AOPEP: variants seen among roughly 807,000 people sequenced by gnomAD.
AOPEP encodes aminopeptidase O.
In AOPEP, 77 loss-of-function variants were observed where a neutral mutation model predicts 98.1. The observed-to-expected ratio is 0.78, with a 90% CI of 0.65 to 0.95. AOPEP has a LOEUF of 0.95. Among genes scored for constraint, AOPEP ranks in the 40% least tolerant of loss-of-function variants. The pLI, the probability that AOPEP is intolerant of heterozygous loss-of-function variation, is 0.00. For missense variants in AOPEP, 1,024 were observed against 1,024.7 expected (o/e 1.00, Z 0.01); for synonymous variants, 346 against 365.3 (o/e 0.95, Z 0.60).
chr9:94,891,912 C>T (rs999780849), intron 5 of AOPEP, among the ~76,000 whole-genome samples: 1 of 152,200 alleles, frequency 6.6e-6, no homozygotes, highest in Non-Finnish European at 1.5e-5. Context: ...GCAACAATTT[C>T]TCTTAATCCT....
chr9:94,886,517 A>C (rs1312010181), intron 5 of AOPEP, among the ~76,000 whole-genome samples: 1 of 152,240 alleles, frequency 6.6e-6, no homozygotes, highest in African/African-American at 2.4e-5. Flanking sequence ...AAAATTCAGA[A>C]TATAAATGGC....
chr9:94,816,195 T>C (rs1481305740), intron 5 of AOPEP, among the ~76,000 whole-genome samples: 6 of 152,174 alleles, frequency 3.9e-5, no homozygotes, highest in Non-Finnish European at 8.8e-5. Flanking sequence ...AGCCTGGCCT[T>C]GTAGATAGTT....
intron 16 of AOPEP, chr9:95,086,131 AG>A: frequency 7.3e-7 from 1 of 1,360,754 alleles, no homozygotes; most frequent in Non-Finnish European, 9.8e-7. Flanking sequence ...TAAGTGCCCG[AG>A]GCTCAGGAGA....
intron 5 of AOPEP, among the ~76,000 whole-genome samples, chr9:94,888,651 A>G (rs143130248): frequency 6.6e-6 from 1 of 152,198 alleles, no homozygotes; most frequent in East Asian, 1.9e-4. Context: ...AGTCAAAGAA[A>G]GTTTTTTGTA....
chr9:95,140,585 G>A, the AOPEP span, among the ~76,000 whole-genome samples: 5 of 152,156 alleles, frequency 3.3e-5, no homozygotes, highest in African/African-American at 1.2e-4. Flanking sequence ...AGCTGTCTGA[G>A]CAGTAGAGGG....
At chr9:95,100,981 A>T in the AOPEP span, 1 of 218,798 alleles carries the variant, frequency 4.6e-6, no homozygotes, top group Non-Finnish European at 8.5e-6. Context: ...TTAACAAGAG[A>T]ACTAACTAAC....
chr9:94,741,255 A>ATCTTATT (rs1287676415), intron 1 of AOPEP, among the ~76,000 whole-genome samples: 7 of 147,774 alleles, frequency 4.7e-5, no homozygotes, highest in African/African-American at 7.8e-5. Context: ...TTTTGTTTTT[A>ATCTTATT]TTTTATTTTT....
Position 94,760,171 on chromosome 9 carries a change from T to C in AOPEP, c.388T>C (p.Tyr130His). ...TGCTTCTGGGATTTCTAGCTCAAAGTACTGCTGTGACACAGGGAATCATGG... is the reference window on the plus strand; with the variant it reads ...TGCTTCTGGGATTTCTAGCTCAAAGCACTGCTGTGACACAGGGAATCATGG... ...EHASGISSSK[Y>H]CCDTGNHGSE... Residue 130 changes from tyrosine (Y) to histidine (H), a missense_variant, in exon 2 of 17, where the codon TAC becomes CAC. Physicochemically the swap from Tyr to His is moderately conservative, Grantham distance 83 (BLOSUM62 2). Transcript: ENST00000375315. 2 of 1,614,230 alleles carry C rather than the reference T, an allele frequency of 1.2e-6. No individual in the cohort carries two copies.
chr9:94,929,593 C>T (rs542594612), intron 7 of AOPEP, among the ~76,000 whole-genome samples: 4 of 152,246 alleles, frequency 2.6e-5, no homozygotes, highest in Non-Finnish European at 5.9e-5. Context: ...GGAAGTGGAG[C>T]GGGCCAGGAG....
At chr9:94,985,443 T>C (rs183495256) in intron 11 of AOPEP, among the ~76,000 whole-genome samples, 167 of 152,318 alleles carry the variant, frequency 1.1e-3, no homozygotes, top group Admixed American at 2.0e-3. Context: ...CGATGTGCTT[T>C]TAGCACAGAG....
chr9:94,868,996 G>A (rs7848495), intron 5 of AOPEP, among the ~76,000 whole-genome samples: 149,296 of 152,316 alleles, frequency 0.98, 73,184 homozygotes, highest in East Asian at 1. Context: ...TGGGAGGCCA[G>A]TGCAGGTGGA....
At chr9:95,000,008 GAACCA>G (rs2061462027) in intron 11 of AOPEP, among the ~76,000 whole-genome samples, 1 of 152,138 alleles carries the variant, frequency 6.6e-6, no homozygotes, top group South Asian at 2.1e-4. Context: ...GTTCACTGCA[GAACCA>G]TAGCCTCAGC....
intron 11 of AOPEP, 62 bp downstream of exon 11, chr9:94,979,489 C>T (rs2060046851): frequency 1.0e-6 from 1 of 1,001,984 alleles, no homozygotes; most frequent in Admixed American, 1.9e-5. Flanking sequence ...CTGCTTAGCA[C>T]ATCAATCATG....
the AOPEP span, among the ~76,000 whole-genome samples, chr9:95,128,146 C>G: frequency 5.3e-5 from 8 of 152,232 alleles, no homozygotes; most frequent in Admixed American, 4.6e-4. Context: ...CCCAGTCTCA[C>G]TGTAAATAAT....
At chr9:94,781,509 T>C in intron 3 of AOPEP, among the ~76,000 whole-genome samples, 2 of 151,928 alleles carry the variant, frequency 1.3e-5, no homozygotes, top group East Asian at 1.9e-4. Context: ...AGAATTGGTT[T>C]AGTACATTAT....
At chr9:95,088,592 C>T (rs141222059), downstream of AOPEP, among the ~76,000 whole-genome samples, 892 of 152,286 alleles carry the variant, frequency 5.9e-3, 2 homozygotes, top group Non-Finnish European at 8.8e-3. Flanking sequence ...GAGTACCGGC[C>T]GCACTGCCCT....
At position 94,927,953 on chromosome 9, in the gene AOPEP, C is replaced by T. The variant is rs1307071589; in HGVS notation, c.1555-472C>T. On this transcript the variant is annotated intron_variant, in intron 6 of 16. Coordinates refer to ENST00000375315, the MANE Select transcript of AOPEP (RefSeq NM_001193329.3). The stretch of plus-strand genomic sequence containing the variant: ...CCCAGAGTGAGTCCAGGCAGCACTT[C>T]TAGTTATGTGCACACAGAATCATCT... Among the ~76,000 whole-genome samples, 6 of 152,172 alleles carry T rather than the reference C, an allele frequency of 3.9e-5. No homozygotes were observed. In the South Asian group the frequency reaches 1.2e-3, roughly 32 times the overall value.
chr9:95,092,872 G>T, the AOPEP span, among the ~76,000 whole-genome samples: 1 of 152,170 alleles, frequency 6.6e-6, no homozygotes, highest in East Asian at 1.9e-4. Context: ...AGCCCTCTGT[G>T]GCTAAGACAC....
At chr9:95,116,494 CAA>C in the AOPEP span, among the ~76,000 whole-genome samples, 1 of 152,180 alleles carries the variant, frequency 6.6e-6, no homozygotes, top group South Asian at 2.1e-4. Flanking sequence ...TCTACTCACT[CAA>C]GTCTCAGAAA....
Sources: gnomAD v4.1 joint callset for allele counts (sites outside exome capture counted in the v4.1 genomes callset) on GRCh38, gnomAD v4.1.1 for gene constraint, MANE v1.5 for transcripts, NCBI Gene and HGNC (gene_info 2026-07-23, HGNC 2026-07-21) for gene names.